METTL15: variants seen among roughly 807,000 people sequenced by gnomAD.
The protein encoded by METTL15 is methyltransferase 15, mitochondrial 12S rRNA N4-cytidine.
In METTL15, 34 loss-of-function variants were observed where a neutral mutation model predicts 38.3. That is an observed-to-expected ratio of 0.89 (90% CI 0.68 to 1.18). The LOEUF (loss-of-function observed/expected upper bound fraction) is 1.18. METTL15 is among the 50% of genes most tolerant of loss of function. METTL15 has a pLI of 0.00. For synonymous variants in METTL15, 162 were observed against 170.9 expected, an observed-to-expected ratio of 0.95 and a Z score of 0.41; for missense variants, 438 against 498.4, an observed-to-expected ratio of 0.88 and a Z score of 1.15.
rs140626041 is a variant in METTL15, at chr11:28,232,667, C to T, written c.407+21469C>T. On this transcript the variant is annotated intron_variant, in intron 4 of 6. Transcript: ENST00000407364. Reference sequence around the variant, plus strand: ...AACATATTGTGTGCAATGTGTAGGCCCAGCATAGGATTCTCTATACTAAAA... The same window carrying T: ...AACATATTGTGTGCAATGTGTAGGCTCAGCATAGGATTCTCTATACTAAAA... Among the ~76,000 whole-genome samples, 781 of 151,840 alleles carry T rather than the reference C, an allele frequency of 5.1e-3. 7 individuals are homozygous for T. Among genetic ancestry groups the T allele is most frequent in the African/African-American group, 0.018 (737 of 41,450 alleles).
intron 3 of METTL15, among the ~76,000 whole-genome samples, chr11:28,340,561 A>G (rs1849941878): frequency 6.6e-6 from 1 of 152,232 alleles, no homozygotes; most frequent in African/African-American, 2.4e-5. Flanking sequence ...GCCAACAAAC[A>G]TACGAAAAAA....
At position 28,112,608 on chromosome 11, in the gene METTL15, A is replaced by G. The variant is rs981535758; in HGVS notation, c.-17-710A>G. Among the ~76,000 whole-genome samples the G allele has an allele frequency of 1.2e-4, 19 of 152,292 alleles. 2 individuals are homozygous for G. Among genetic ancestry groups the G allele is most frequent in the Admixed American group, 7.2e-4 (11 of 15,308 alleles). ...TATGGTAAATCCAAGGAATATATCA[A>G]TTATTTGTTTTTTGGGTGCCGGGGA... is the stretch of plus-strand genomic sequence containing the variant. On this transcript the variant is annotated intron_variant, in intron 2 of 6. Transcript: ENST00000407364.
intron 5 of METTL15, among the ~76,000 whole-genome samples, chr11:28,393,247 A>T (rs1381283248): frequency 6.6e-6 from 1 of 152,180 alleles, no homozygotes; most frequent in Non-Finnish European, 1.5e-5. Context: ...AGCATTATTC[A>T]AAAAAGTTTC....
At chr11:28,508,364 T>A (rs1455064199) in intron 6 of METTL15, among the ~76,000 whole-genome samples, 1 of 152,212 alleles carries the variant, frequency 6.6e-6, no homozygotes, top group African/African-American at 2.4e-5. Context: ...GCCTAACAAA[T>A]ACTTTTCAGT....
At chr11:28,224,815 CG>C (rs1470830012) in intron 4 of METTL15, among the ~76,000 whole-genome samples, 26 of 151,476 alleles carry the variant, frequency 1.7e-4, no homozygotes, top group African/African-American at 5.8e-4. Context: ...TAATTATATC[CG>C]GATACATTGG....
intron 4 of METTL15, among the ~76,000 whole-genome samples, chr11:28,215,819 G>T (rs930894986): frequency 6.6e-6 from 1 of 152,136 alleles, no homozygotes; most frequent in African/African-American, 2.4e-5. Flanking sequence ...GATCTCTTGA[G>T]CTCAGGAGTT....
chr11:28,205,591 G>C (rs1316270472), intron 3 of METTL15, among the ~76,000 whole-genome samples: 1 of 152,042 alleles, frequency 6.6e-6, no homozygotes, highest in Non-Finnish European at 1.5e-5. Flanking sequence ...CTTTATAGCA[G>C]CATGATTTAT....
chr11:28,318,259 T>C (rs1857548343), intron 6 of METTL15, among the ~76,000 whole-genome samples: 1 of 152,054 alleles, frequency 6.6e-6, no homozygotes, highest in Non-Finnish European at 1.5e-5. Flanking sequence ...TACCAGGCCT[T>C]AAAATGGATT....
intron 5 of METTL15, among the ~76,000 whole-genome samples, chr11:28,391,462 A>G (rs377328819): frequency 6.6e-5 from 10 of 151,994 alleles, no homozygotes; most frequent in East Asian, 1.9e-4. Flanking sequence ...TTTGTCAAAG[A>G]CCTTTTCTGC....
intron 6 of METTL15, among the ~76,000 whole-genome samples, chr11:28,318,769 T>C (rs1849357598): frequency 6.6e-6 from 1 of 152,152 alleles, no homozygotes; most frequent in Non-Finnish European, 1.5e-5. Flanking sequence ...AAGGCTCCCT[T>C]CCTAGTAAGT....
At chr11:28,268,544 C>T (rs1855523199) in intron 4 of METTL15, among the ~76,000 whole-genome samples, 1 of 152,184 alleles carries the variant, frequency 6.6e-6, no homozygotes, top group Middle Eastern at 3.4e-3. Flanking sequence ...TTTCAGTTAG[C>T]ATCTTTTCAT....
rs182079921 is a variant in METTL15 at position 28,304,310 on chromosome 11, A to T, written c.778+7379A>T. Among the ~76,000 whole-genome samples the T allele has an allele frequency of 1.2e-4, 18 of 152,318 alleles. No homozygotes were observed. In the East Asian group the frequency reaches 2.1e-3, roughly 18 times the overall value. ...TCTGCACTGGGACATGTTAAGGTATATCTTTCCACAGTGGCATCAATGGCT... is the reference window on the plus strand; with the variant it reads ...TCTGCACTGGGACATGTTAAGGTATTTCTTTCCACAGTGGCATCAATGGCT... On this transcript the variant is annotated intron_variant, in intron 6 of 6. Coordinates refer to ENST00000407364, the MANE Select transcript of METTL15 (RefSeq NM_001113528.2).
chr11:28,294,183 C>T (rs1856639856), intron 5 of METTL15, among the ~76,000 whole-genome samples: 1 of 152,134 alleles, frequency 6.6e-6, no homozygotes, highest in Non-Finnish European at 1.5e-5. Context: ...ATGATATTGG[C>T]TGTGGGTTTG....
rs1023911218 is a variant in METTL15 at position 28,117,506 on chromosome 11, C to T, written c.270+3902C>T. 2.6e-5 allele frequency among the ~76,000 whole-genome samples: 4 copies of T among 152,006 alleles called. No homozygotes were observed. The South Asian group carries it at 8.3e-4, about 32-fold the overall frequency. On this transcript the variant is annotated intron_variant, in intron 3 of 6. Transcript: ENST00000407364. ...TCTAGCAAATCAGTATTGTATCCAA[C>T]TATTTTCTAAAACCAAGTGGAATAA...
At chr11:28,394,092 C>A (rs372405024) in intron 5 of METTL15, among the ~76,000 whole-genome samples, 37 of 152,034 alleles carry the variant, frequency 2.4e-4, no homozygotes, top group Non-Finnish European at 3.2e-4. Context: ...AGGGTTGGTG[C>A]CTTATTATTT....
At chr11:28,186,146 C>G (rs968049291) in intron 3 of METTL15, among the ~76,000 whole-genome samples, 3 of 151,016 alleles carry the variant, frequency 2.0e-5, no homozygotes, top group South Asian at 4.2e-4. Context: ...ATTCAGGGAA[C>G]AAATCATCCA....
chr11:28,227,075 ATGTTAGCCTTGT>A (rs1853509882), intron 4 of METTL15, among the ~76,000 whole-genome samples: 8 of 151,868 alleles, frequency 5.3e-5, no homozygotes. Context: ...CGCTCAGGAG[ATGTTAGCCTTGT>A]AAGCTGAAGC....
chr11:28,311,604 G>A (rs935578052), intron 6 of METTL15, among the ~76,000 whole-genome samples: 1 of 152,190 alleles, frequency 6.6e-6, no homozygotes, highest in African/African-American at 2.4e-5. Flanking sequence ...AGCAAGAATG[G>A]TTGAGTCACA....
chr11:28,186,720 T>C (rs1247669631), intron 3 of METTL15, among the ~76,000 whole-genome samples: 4 of 151,222 alleles, frequency 2.6e-5, no homozygotes, highest in Non-Finnish European at 5.9e-5. Flanking sequence ...TATTTGTTTC[T>C]TTAATAATTA....
Sources: gnomAD v4.1 joint callset for allele counts (sites outside exome capture counted in the v4.1 genomes callset) on GRCh38, gnomAD v4.1.1 for gene constraint, MANE v1.5 for transcripts, NCBI Gene and HGNC (gene_info 2026-07-23, HGNC 2026-07-21) for gene names.